Variants in ZFP2 observed in about 807,000 individuals in gnomAD.
The protein encoded by ZFP2 is ZFP2 zinc finger protein, also known as zinc finger protein ZFP2.
Under a neutral mutation model 36.1 loss-of-function variants are expected in ZFP2, and 33 were observed. The observed-to-expected ratio is 0.92, with a 90% CI of 0.69 to 1.22. The LOEUF is 1.22. Ranked by LOEUF, ZFP2 falls within the 50% of genes most tolerant of loss-of-function variation. The pLI is 0.00. For synonymous variants in ZFP2, 170 were observed against 178.0 expected (o/e 0.96, Z 0.36); for missense variants, 522 against 551.4 (o/e 0.95, Z 0.53).
intron 4 of ZFP2, among the ~76,000 whole-genome samples, chr5:178,919,029 T>A (rs923580396): frequency 2.0e-5 from 3 of 152,202 alleles, no homozygotes; most frequent in Non-Finnish European, 4.4e-5. Context: ...TCCCCCCATC[T>A]CAGTGGCCAT....
chr5:178,916,074 A>G (rs1219560093), intron 3 of ZFP2, among the ~76,000 whole-genome samples: 1 of 152,218 alleles, frequency 6.6e-6, no homozygotes, highest in Admixed American at 6.5e-5. Flanking sequence ...GACCCTCAGG[A>G]CAATAACATA....
chr5:178,930,966 C>T (rs1244498544), intron 4 of ZFP2, among the ~76,000 whole-genome samples: 1 of 152,162 alleles, frequency 6.6e-6, no homozygotes, highest in Non-Finnish European at 1.5e-5. Context: ...ACTGTCCATC[C>T]CTCCTGAATG....
Position 178,924,121 on chromosome 5 carries a change from C to T in ZFP2, c.-77-7116C>T, listed in dbSNP as rs138150376. The stretch of plus-strand genomic sequence containing the variant: ...AGGTGTGGTGGCTCATGCCTGTAAT[C>T]CCAGCACTTTTTGAGGCCGAGGCGG... On this transcript the variant is annotated intron_variant, in intron 4 of 4. Coordinates refer to ENST00000361362, the MANE Select transcript of ZFP2 (RefSeq NM_030613.4). Among the ~76,000 whole-genome samples the T allele has an allele frequency of 6.2e-3, 931 of 149,192 alleles. 84 individuals are homozygous for T. Among genetic ancestry groups the T allele is most frequent in the Non-Finnish European group, 9.7e-3 (643 of 66,438 alleles).
At chr5:178,930,265 C>A (rs1758798026) in intron 4 of ZFP2, among the ~76,000 whole-genome samples, 1 of 145,804 alleles carries the variant, frequency 6.9e-6, no homozygotes, top group African/African-American at 2.5e-5. Flanking sequence ...TATCATATTT[C>A]ATTTTATTTA....
At chr5:178,929,952 G>GA (rs973211442) in intron 4 of ZFP2, among the ~76,000 whole-genome samples, 4 of 148,606 alleles carry the variant, frequency 2.7e-5, no homozygotes, top group Admixed American at 6.7e-5. Flanking sequence ...TGGGGGGGGG[G>GA]GCTCAGGAGG....
Position 178,931,293 on chromosome 5 carries a change from G to T in ZFP2, c.-21G>T. On this transcript the variant is annotated 5_prime_UTR_variant, in exon 5 of 5. Coordinates refer to ENST00000361362, the MANE Select transcript of ZFP2 (RefSeq NM_030613.4). ...AACTCCGAAGCCGGGTATTACTGAA[G>T]ATTTATGCCATGGGGTAACAATGGA... 1 of 1,560,348 alleles carries T rather than the reference G, an allele frequency of 6.4e-7. No homozygotes were observed. The highest frequency in any genetic ancestry group is 2.3e-5 in the East Asian group (1 of 44,368).
At chr5:178,920,135 T>A (rs57426447) in intron 4 of ZFP2, among the ~76,000 whole-genome samples, 12,807 of 152,200 alleles carry the variant, frequency 0.084, 675 homozygotes, top group Non-Finnish European at 0.12. Flanking sequence ...CAGTGAGACA[T>A]ATATGAGATC....
At chr5:178,916,258 G>A (rs547314884) in intron 3 of ZFP2, among the ~76,000 whole-genome samples, 13 of 152,196 alleles carry the variant, frequency 8.5e-5, no homozygotes, top group Non-Finnish European at 1.3e-4. Context: ...CTGGGACCCA[G>A]GGAAGAGCCC....
chr5:178,903,626 A>G (rs1464339143), intron 1 of ZFP2, among the ~76,000 whole-genome samples: 1 of 152,190 alleles, frequency 6.6e-6, no homozygotes, highest in Non-Finnish European at 1.5e-5. Context: ...AAAAGTTTTG[A>G]AGTTTTATGC....
At chr5:178,926,430 A>G (rs1455959184) in intron 4 of ZFP2, among the ~76,000 whole-genome samples, 2 of 151,954 alleles carry the variant, frequency 1.3e-5, no homozygotes, top group African/African-American at 4.8e-5. Context: ...AGCACCTTAA[A>G]TGTTCCCAAA....
intron 4 of ZFP2, chr5:178,922,866 AC>A (rs1758588405): frequency 1.2e-6 from 1 of 800,424 alleles, no homozygotes; most frequent in Admixed American, 3.4e-5. Flanking sequence ...AAACTATGAA[AC>A]CCCTGAGAGA....
At position 178,920,476 on chromosome 5, in the gene ZFP2, A is replaced by G. The variant is rs577918207; in HGVS notation, c.-78+3766A>G. Among the ~76,000 whole-genome samples the G allele has an allele frequency of 2.0e-5, 3 of 152,164 alleles. No individual in the cohort carries two copies. The South Asian group carries it at 6.2e-4, about 32-fold the overall frequency. On this transcript the variant is annotated intron_variant, in intron 4 of 4. Transcript: ENST00000361362. ...ACATAGTGAAACCCCGTCTTTCCTA[A>G]AAATACAAAAATTAGCCGGGCATGG...
chr5:178,910,047 T>G, intron 1 of ZFP2: 3 of 1,465,578 alleles, frequency 2.0e-6, no homozygotes, highest in Admixed American at 1.7e-5. Context: ...TTCTTCAGAG[T>G]CCAGGCCAAA....
intron 1 of ZFP2, among the ~76,000 whole-genome samples, chr5:178,900,034 G>A (rs1196567090): frequency 6.6e-6 from 1 of 152,110 alleles, no homozygotes; most frequent in African/African-American, 2.4e-5. Flanking sequence ...GGGGGTATTG[G>A]ACAAAGGGAG....
In ZFP2 at chr5:178,906,556, A is replaced by G. The variant is rs535785729; in HGVS notation, c.-449-6028A>G. 2.4e-5 allele frequency among the ~76,000 whole-genome samples: 3 copies of G among 127,526 alleles called. No individual in the cohort carries two copies. The East Asian group carries it at 1.1e-3, about 47-fold the overall frequency. The allele number at this position is 127,526 out of a possible 152,430, so 83.7% of individuals were successfully genotyped here. A position where few individuals can be genotyped will look rare whatever the true frequency, so the allele number is the denominator to read the frequency against. On this transcript the variant is annotated intron_variant, in intron 1 of 4. Transcript: ENST00000361362. ...AATCAATTTTAGAGTTTTTGTCTTT[A>G]TTTATTTATTTTTTTTTGAGACAGA...
chr5:178,932,806 G>C lies in ZFP2; in HGVS notation c.*107G>C. 1 of 1,362,104 alleles carries C rather than the reference G, an allele frequency of 7.3e-7. No homozygotes were observed. The highest frequency in any genetic ancestry group is 9.9e-7 in the Non-Finnish European group (1 of 1,014,814). 84.4% of individuals were successfully genotyped at this position (1,362,104 alleles called of 1,614,324 possible). On this transcript the variant is annotated 3_prime_UTR_variant, in exon 5 of 5. Coordinates refer to ENST00000361362, the MANE Select transcript of ZFP2 (RefSeq NM_030613.4). ...ATGTAATGATTGTGGGAATCTTTCA[G>C]TTGAAGTACAATATGTCATATCAGA... is the stretch of plus-strand genomic sequence containing the variant.
chr5:178,897,183 C>T (rs539007937), intron 1 of ZFP2, among the ~76,000 whole-genome samples: 1 of 151,992 alleles, frequency 6.6e-6, no homozygotes, highest in East Asian at 1.9e-4. Flanking sequence ...TGTCTTATTC[C>T]CTCCAGAAAA....
chr5:178,928,794 A>G (rs1280800301), intron 4 of ZFP2, among the ~76,000 whole-genome samples: 6 of 152,218 alleles, frequency 3.9e-5, no homozygotes, highest in Admixed American at 2.6e-4. Flanking sequence ...GGGATTCTAC[A>G]TGGCGGCTCC....
At chr5:178,925,771 C>T (rs1758656779) in intron 4 of ZFP2, among the ~76,000 whole-genome samples, 1 of 149,388 alleles carries the variant, frequency 6.7e-6, no homozygotes, top group Non-Finnish European at 1.5e-5. Context: ...TTTTCCAAGT[C>T]TCCATTCTAG....
Sources: allele counts gnomAD v4.1 joint callset (sites outside exome capture counted in the v4.1 genomes callset), GRCh38; gene constraint gnomAD v4.1.1; transcripts MANE v1.5; gene names NCBI Gene and HGNC (gene_info 2026-07-23, HGNC 2026-07-21).